Variants in TMEM131L observed in about 807,000 individuals in gnomAD.
TMEM131L encodes the protein transmembrane protein 131-like.
Under a neutral mutation model 192.2 loss-of-function variants are expected in TMEM131L, and 54 were observed. The observed-to-expected ratio is 0.28, with a 90% CI of 0.23 to 0.35. The LOEUF (loss-of-function observed/expected upper bound fraction) is 0.35, where lower values mean the gene tolerates loss of function less well. TMEM131L is among the 10% of genes least tolerant of loss of function. TMEM131L has a pLI of 1.00. For synonymous variants in TMEM131L, 701 were observed against 704.9 expected (o/e 0.99, Z 0.09); for missense variants, 1,888 against 1,972.9 (o/e 0.96, Z 0.82).
chr4:153,553,219 C>T (rs1380079335), intron 4 of TMEM131L, among the ~76,000 whole-genome samples: 6 of 152,024 alleles, frequency 3.9e-5, no homozygotes, highest in Non-Finnish European at 8.8e-5. Flanking sequence ...TTATATCAGT[C>T]CAGTGAAGAC....
chr4:153,528,625 CAG>C (rs1292200916), intron 3 of TMEM131L, among the ~76,000 whole-genome samples: 3 of 152,198 alleles, frequency 2.0e-5, no homozygotes, highest in Non-Finnish European at 4.4e-5. Context: ...CCTAAAATAA[CAG>C]AACCTGGTCT....
intron 4 of TMEM131L, among the ~76,000 whole-genome samples, chr4:153,552,542 C>G (rs1476054953): frequency 6.6e-6 from 1 of 152,054 alleles, no homozygotes; most frequent in Non-Finnish European, 1.5e-5. Context: ...TTTAGATTAT[C>G]TCTAGAGGCC....
intron 3 of TMEM131L, among the ~76,000 whole-genome samples, chr4:153,486,768 T>C (rs1350595874): frequency 6.6e-6 from 1 of 152,174 alleles, no homozygotes. Flanking sequence ...CTTGAACCAC[T>C]CACCCACCCA....
chr4:153,540,800 C>T (rs1736718103), intron 3 of TMEM131L, among the ~76,000 whole-genome samples: 1 of 152,168 alleles, frequency 6.6e-6, no homozygotes, highest in African/African-American at 2.4e-5. Flanking sequence ...CTAAAAATAA[C>T]ATGCACGGTA....
chr4:153,501,943 GTTTTTTTT>G (rs575832226), intron 3 of TMEM131L, among the ~76,000 whole-genome samples: 5 of 117,394 alleles, frequency 4.3e-5, no homozygotes, highest in Admixed American at 9.3e-5. Context: ...CCCCCAAAGG[GTTTTTTTT>G]TTTTTTTTTT....
rs1223475303 is a variant in TMEM131L at position 153,623,025 on chromosome 4, C to T, written c.3987C>T (p.Thr1329=). 3 of 1,613,996 alleles carry T rather than the reference C, an allele frequency of 1.9e-6. No individual in the cohort carries two copies. The highest frequency in any genetic ancestry group is 3.3e-5 in the Admixed American group (2 of 59,988). The part of the protein sequence containing the change: ...SRGSWGSWSS[T]SSSDGDKKPM... ...GCAGCTGGGGGAGCTGGAGCAGCAC[C>T]AGCAGCTCCGACGGGGATAAGAAGC... Residue 1329 remains threonine, a synonymous_variant, in exon 29 of 35, where the codon ACC becomes ACT. Transcript: ENST00000409959.
chr4:153,584,738 G>A, intron 11 of TMEM131L, 97 bp from the exon 12 acceptor site: 2 of 735,696 alleles, frequency 2.7e-6, no homozygotes, highest in Non-Finnish European at 4.3e-6. Context: ...AGACAGAAAA[G>A]TGAATAAAAA....
At chr4:153,503,977 G>GT (rs1733787378) in intron 3 of TMEM131L, among the ~76,000 whole-genome samples, 2 of 151,974 alleles carry the variant, frequency 1.3e-5, no homozygotes, top group Non-Finnish European at 2.9e-5. Flanking sequence ...TGGTTTTTTT[G>GT]TTTTTTGGAG....
At chr4:153,478,688 ATTTATT>A in intron 3 of TMEM131L, among the ~76,000 whole-genome samples, 1 of 152,264 alleles carries the variant, frequency 6.6e-6, no homozygotes, top group Non-Finnish European at 1.5e-5. Flanking sequence ...GTCGGTTCTC[ATTTATT>A]TATATCTTGT....
Position 153,502,192 on chromosome 4 carries a change from C to T in TMEM131L, c.239+28304C>T, listed in dbSNP as rs192264208. 6.7e-4 allele frequency among the ~76,000 whole-genome samples: 102 copies of T among 152,232 alleles called. No homozygotes were observed. In the Middle Eastern group the frequency reaches 0.02, roughly 30 times the overall value. On this transcript the variant is annotated intron_variant, in intron 3 of 34. Coordinates refer to ENST00000409959, the MANE Select transcript of TMEM131L (RefSeq NM_001131007.2). ...CACCTGGGCTCAAGCAGTCCTCCCA[C>T]CTTGTCCTCCCAAAGTGCTGGGATT...
At position 153,587,755 on chromosome 4, in the gene TMEM131L, G is replaced by A. The variant is rs760105950; in HGVS notation, c.1496G>A (p.Gly499Asp). The A allele has an allele frequency of 1.2e-5, 20 of 1,611,968 alleles. No homozygotes were observed. In the South Asian group the frequency reaches 1.3e-4, roughly 11 times the overall value. The change falls in exon 15 of 35, where the codon GGT becomes GAT. Residue 499 changes from glycine to aspartate, a missense_variant. By Grantham distance (94) the Gly-to-Asp change is moderately conservative. Transcript: ENST00000409959. ...YSAPTKEGSL[G>D]FEVIAHCGMH... ...TTTTCAATCTAGGAAGGGAGTCTGGGTTTTGAAGTGATAGCACATTGTGGC... is the reference window on the plus strand; with the variant it reads ...TTTTCAATCTAGGAAGGGAGTCTGGATTTTGAAGTGATAGCACATTGTGGC...
chr4:153,473,559 C>T (rs1472112212), intron 2 of TMEM131L, among the ~76,000 whole-genome samples: 2 of 152,062 alleles, frequency 1.3e-5, no homozygotes, highest in Non-Finnish European at 2.9e-5. Flanking sequence ...TTTGGGAGGC[C>T]GAGGCGGGTG....
chr4:153,632,759 T>C lies in TMEM131L; in HGVS notation c.4249T>C (p.Cys1417Arg). Residue 1417 changes from cysteine (C) to arginine (R), a missense_variant, in exon 32 of 35, where the codon TGT becomes CGT. Transcript: ENST00000409959. ...PGDLWPTPPVCVTSSLNCTLE... is the reference protein window; with the variant it reads ...PGDLWPTPPVRVTSSLNCTLE... Reference sequence around the variant, plus strand: ...AGACCTGTGGCCCACTCCGCCAGTGTGTGTGACAAGCAGCTTAAACTGCAC... The same window carrying C: ...AGACCTGTGGCCCACTCCGCCAGTGCGTGTGACAAGCAGCTTAAACTGCAC... 6.2e-7 allele frequency: 1 copy of C among 1,614,066 alleles called. No individual in the cohort carries two copies. The highest frequency in any genetic ancestry group is 1.1e-5 in the South Asian group (1 of 91,066).
At chr4:153,507,444 A>G (rs1355025137) in intron 3 of TMEM131L, among the ~76,000 whole-genome samples, 1 of 152,190 alleles carries the variant, frequency 6.6e-6, no homozygotes, top group Non-Finnish European at 1.5e-5. Flanking sequence ...TACAGTGGTA[A>G]GTTAGGAAGA....
chr4:153,591,139 T>A lies in TMEM131L; in HGVS notation c.1757T>A (p.Ile586Asn). 6.2e-7 allele frequency: 1 copy of A among 1,611,996 alleles called. No homozygotes were observed. Among genetic ancestry groups the A allele is most frequent in the Non-Finnish European group, 8.5e-7 (1 of 1,178,728 alleles). Reference sequence around the variant, plus strand: ...TTTGTTTTCTTTTTGCCTCGTTTGATCGCAGAGCCTGGCCTCATGTTAAAC... The same window carrying A: ...TTTGTTTTCTTTTTGCCTCGTTTGAACGCAGAGCCTGGCCTCATGTTAAAC... ...ESFVFFLPRL[I>N]AEPGLMLNFS... The change falls in exon 17 of 35, where the codon ATC (isoleucine) becomes AAC (asparagine). Residue 586 changes from isoleucine (I) to asparagine (N), a missense_variant. By Grantham distance (149) the Ile-to-Asn change is moderately radical (BLOSUM62 -3). Coordinates refer to ENST00000409959, the MANE Select transcript of TMEM131L (RefSeq NM_001131007.2).
chr4:153,504,266 CTTTTTTTTTTTTTTTTTTT>C lies in TMEM131L; in HGVS notation c.239+30391_239+30409del, dbSNP rs531620464. Among the ~76,000 whole-genome samples, 31 of 42,634 alleles carry C rather than the reference CTTTTTTTTTTTTTTTTTTT, an allele frequency of 7.3e-4. No individual in the cohort carries two copies. The East Asian group carries it at 7.3e-3, about 10-fold the overall frequency. The allele number at this position is 42,634 out of a possible 152,430, so 28.0% of individuals were successfully genotyped here. ...ACGGGCGTGAGCCACCGCGGTCGGC[CTTTTTTTTTTTTTTTTTTT>C]TTTTTTTTTTTTGGAGACAGAGTCT... On this transcript the variant is annotated intron_variant, in intron 3 of 34. Transcript: ENST00000409959.
intron 16 of TMEM131L, 27 bp from the exon 17 acceptor site, chr4:153,591,026 A>T (rs777093724): frequency 5.2e-5 from 74 of 1,434,330 alleles, no homozygotes; most frequent in Non-Finnish European, 6.4e-5. Context: ...AATATTTTTC[A>T]TAATAGTTTC....
intron 33 of TMEM131L, among the ~76,000 whole-genome samples, chr4:153,634,550 G>A (rs1409047340): frequency 6.6e-6 from 1 of 152,140 alleles, no homozygotes; most frequent in Admixed American, 6.5e-5. Context: ...GTAGAACTAG[G>A]TCATTTGGAT....
intron 3 of TMEM131L, among the ~76,000 whole-genome samples, chr4:153,529,266 A>G (rs1735722107): frequency 6.6e-6 from 1 of 152,182 alleles, no homozygotes; most frequent in Non-Finnish European, 1.5e-5. Context: ...TGAATATTCT[A>G]TTTAAGGAAA....
Sources: gnomAD v4.1 joint callset for allele counts (sites outside exome capture counted in the v4.1 genomes callset) on GRCh38, gnomAD v4.1.1 for gene constraint, MANE v1.5 for transcripts, NCBI Gene and HGNC (gene_info 2026-07-23, HGNC 2026-07-21) for gene names.